Variants in MKLN1 observed in about 807,000 individuals in gnomAD.
MKLN1 encodes muskelin.
In MKLN1, 18 loss-of-function variants were observed where a neutral mutation model predicts 99.0. That is an observed-to-expected ratio of 0.18 (90% confidence interval 0.13 to 0.27). The LOEUF (loss-of-function observed/expected upper bound fraction) is 0.27, where lower values mean the gene tolerates loss of function less well. MKLN1 is among the 10% of genes least tolerant of loss of function. MKLN1 has a pLI of 1.00. For missense variants in MKLN1, 621 were observed against 875.9 expected, an observed-to-expected ratio of 0.71 and a Z score of 3.67; for synonymous variants, 288 against 293.2, an observed-to-expected ratio of 0.98 and a Z score of 0.18.
At chr7:131,231,626 G>A (rs932306333) in intron 3 of MKLN1, among the ~76,000 whole-genome samples, 8 of 152,176 alleles carry the variant, frequency 5.3e-5, no homozygotes, top group African/African-American at 1.4e-4. Flanking sequence ...GCAGATCTGC[G>A]TCTGTGTGTC....
chr7:131,279,756 A>G (rs1055171882), intron 3 of MKLN1, among the ~76,000 whole-genome samples: 13 of 152,208 alleles, frequency 8.5e-5, no homozygotes, highest in Non-Finnish European at 4.4e-5. Context: ...GCAGTGAACC[A>G]TGATTGCACC....
chr7:131,416,641 A>G lies in MKLN1; in HGVS notation c.847+1931A>G, dbSNP rs556852404. Reference sequence around the variant, plus strand: ...TTTTATGCATTAGGGGTAGGATTTCAGCAAAGTCTTGATGGTCAGGGTCCT... The same window carrying G: ...TTTTATGCATTAGGGGTAGGATTTCGGCAAAGTCTTGATGGTCAGGGTCCT... On this transcript the variant is annotated intron_variant, in intron 8 of 17. Coordinates refer to ENST00000352689, the MANE Select transcript of MKLN1 (RefSeq NM_013255.5). 4.0e-5 allele frequency among the ~76,000 whole-genome samples: 6 copies of G among 151,678 alleles called. No homozygotes were observed. In the South Asian group the frequency reaches 1.2e-3, roughly 32 times the overall value.
At chr7:131,414,754 A>G (rs1440282846) in intron 8 of MKLN1, 44 bp downstream of exon 8, 8 of 1,101,692 alleles carry the variant, frequency 7.3e-6, no homozygotes, top group Non-Finnish European at 9.8e-6. Flanking sequence ...CATTGGCTAC[A>G]GGCATCGTCT....
chr7:131,321,470 C>T (rs1813742), intron 3 of MKLN1, among the ~76,000 whole-genome samples: 75,131 of 151,872 alleles, frequency 0.49, 20,359 homozygotes, highest in Admixed American at 0.64. Context: ...ACCTAATGCA[C>T]GTGGGGCTTA....
intron 1 of MKLN1, among the ~76,000 whole-genome samples, chr7:131,334,720 A>G (rs1799200469): frequency 6.6e-6 from 1 of 152,142 alleles, no homozygotes; most frequent in African/African-American, 2.4e-5. Flanking sequence ...GATAAGATAC[A>G]TTTCAGCCAC....
chr7:131,282,349 CAAAAA>C (rs1001483569), intron 3 of MKLN1, among the ~76,000 whole-genome samples: 1 of 65,682 alleles, frequency 1.5e-5, no homozygotes, highest in Non-Finnish European at 3.3e-5. Context: ...AACTCCGTCT[CAAAAA>C]AAAAAAAAAA....
intron 10 of MKLN1, 92 bp from the exon 11 acceptor site, chr7:131,443,389 T>C (rs1377409709): frequency 4.5e-6 from 4 of 893,152 alleles, no homozygotes; most frequent in South Asian, 3.0e-5. Context: ...TAGGGTTTTT[T>C]TGAGAATGTA....
intron 2 of MKLN1, among the ~76,000 whole-genome samples, chr7:131,172,595 G>A (rs923814411): frequency 3.3e-5 from 5 of 152,166 alleles, no homozygotes; most frequent in African/African-American, 9.7e-5. Context: ...GATTACAGGC[G>A]TGAGCCACCG....
chr7:131,122,694 C>G (rs1795390732), intron 1 of MKLN1, among the ~76,000 whole-genome samples: 1 of 152,126 alleles, frequency 6.6e-6, no homozygotes, highest in Admixed American at 6.5e-5. Context: ...AGAGAAACCA[C>G]CAGCTTCTTA....
intron 2 of MKLN1, among the ~76,000 whole-genome samples, chr7:131,199,058 G>C (rs144669718): frequency 6.6e-6 from 1 of 152,164 alleles, no homozygotes; most frequent in African/African-American, 2.4e-5. Context: ...CCAATGATAA[G>C]AACGTGAGTT....
chr7:131,191,136 G>T (rs528304655), intron 2 of MKLN1, among the ~76,000 whole-genome samples: 4 of 152,206 alleles, frequency 2.6e-5, no homozygotes, highest in African/African-American at 9.7e-5. Context: ...AGGGCAGCTG[G>T]AGGTGAGCCC....
intron 2 of MKLN1, among the ~76,000 whole-genome samples, chr7:131,192,127 A>ACG (rs1158874016): frequency 3.2e-4 from 28 of 86,472 alleles, no homozygotes; most frequent in African/African-American, 1.5e-3. Flanking sequence ...ATACGTATAT[A>ACG]TATAAAAATA....
intron 3 of MKLN1, among the ~76,000 whole-genome samples, chr7:131,286,052 G>A (rs1798126943): frequency 6.6e-6 from 1 of 151,348 alleles, no homozygotes; most frequent in South Asian, 2.1e-4. Flanking sequence ...CCGGGTTCAA[G>A]CGATTCTCGT....
At chr7:131,343,250 T>G (rs776312936) in intron 1 of MKLN1, among the ~76,000 whole-genome samples, 1 of 152,196 alleles carries the variant, frequency 6.6e-6, no homozygotes, top group Non-Finnish European at 1.5e-5. Flanking sequence ...GGAGATTGAC[T>G]AGTGTAGCAC....
chr7:131,219,070 G>A (rs1039054963), intron 3 of MKLN1, among the ~76,000 whole-genome samples: 2 of 152,148 alleles, frequency 1.3e-5, no homozygotes, highest in Non-Finnish European at 2.9e-5. Context: ...AGAAATGAGA[G>A]TTGTTTAATG....
chr7:131,373,924 C>G (rs1339689044), intron 1 of MKLN1, among the ~76,000 whole-genome samples: 1 of 151,748 alleles, frequency 6.6e-6, no homozygotes, highest in Non-Finnish European at 1.5e-5. Flanking sequence ...TCAGTCTTTC[C>G]TTGTTTTTTA....
chr7:131,392,082 A>G (rs1794211547), intron 4 of MKLN1, among the ~76,000 whole-genome samples: 1 of 152,226 alleles, frequency 6.6e-6, no homozygotes, highest in African/African-American at 2.4e-5. Context: ...AGATCAGAGG[A>G]AAGTAAACAT....
chr7:131,152,501 CTTTTTTTT>C (rs5887498), intron 2 of MKLN1, among the ~76,000 whole-genome samples: 7 of 126,266 alleles, frequency 5.5e-5, no homozygotes, highest in East Asian at 2.3e-4. Flanking sequence ...TTCTTTTTTT[CTTTTTTTT>C]TTTTTTTGGA....
intron 3 of MKLN1, among the ~76,000 whole-genome samples, chr7:131,309,048 T>C (rs1798514787): frequency 6.6e-6 from 1 of 152,226 alleles, no homozygotes; most frequent in African/African-American, 2.4e-5. Flanking sequence ...TCCAGTTTTC[T>C]ATAAGGTTCA....
Sources: gnomAD v4.1 joint callset for allele counts (sites outside exome capture counted in the v4.1 genomes callset) on GRCh38, gnomAD v4.1.1 for gene constraint, MANE v1.5 for transcripts, NCBI Gene and HGNC (gene_info 2026-07-23, HGNC 2026-07-21) for gene names.